The following SGCD variants were observed in gnomAD, a reference collection of about 807,000 sequenced individuals.
SGCD encodes the protein sarcoglycan delta, also known as delta-sarcoglycan.
SGCD carries 18 observed loss-of-function variants against 36.6 expected under a neutral mutation model. That is an observed-to-expected ratio of 0.49 (90% CI 0.34 to 0.73). The LOEUF is 0.73. Among genes scored for constraint, SGCD ranks in the 30% least tolerant of loss-of-function variants. SGCD has a pLI of 0.01. For missense variants in SGCD, 387 were observed against 346.7 expected (o/e 1.12, Z -0.92); for synonymous variants, 133 against 130.6 (o/e 1.02, Z -0.12).
intron 4 of SGCD, among the ~76,000 whole-genome samples, chr5:156,513,505 G>A (rs924151419): frequency 6.6e-6 from 1 of 152,080 alleles, no homozygotes; most frequent in African/African-American, 2.4e-5. Flanking sequence ...TCCATTTTAT[G>A]GGGTATCACC....
intron 2 of SGCD, among the ~76,000 whole-genome samples, chr5:156,334,614 T>C (rs868129122): frequency 2.7e-4 from 40 of 147,674 alleles, no homozygotes; most frequent in South Asian, 8.4e-4. Context: ...ATTTTCTTTT[T>C]TTTTTTTTTT....
At chr5:156,277,859 G>A (rs142672438) in intron 3 of SGCD, among the ~76,000 whole-genome samples, 5 of 152,130 alleles carry the variant, frequency 3.3e-5, no homozygotes, top group Non-Finnish European at 5.9e-5. Flanking sequence ...TGGATGAGTC[G>A]CTGAGTTGTC....
chr5:156,550,048 A>G (rs2113193965), intron 4 of SGCD, among the ~76,000 whole-genome samples: 1 of 152,336 alleles, frequency 6.6e-6, no homozygotes, highest in South Asian at 2.1e-4. Context: ...TCACAAATGG[A>G]AAAACTGATG....
At chr5:156,692,636 A>G (rs1354024966) in intron 7 of SGCD, among the ~76,000 whole-genome samples, 1 of 152,228 alleles carries the variant, frequency 6.6e-6, no homozygotes, top group Non-Finnish European at 1.5e-5. Context: ...CACAGACATC[A>G]TAGCATTCAC....
At chr5:156,111,314 A>G (rs2127599454) in intron 1 of SGCD, among the ~76,000 whole-genome samples, 1 of 152,282 alleles carries the variant, frequency 6.6e-6, no homozygotes, top group African/African-American at 2.4e-5. Context: ...AGGGTGTGGT[A>G]CAAGATGCCA....
the SGCD span, among the ~76,000 whole-genome samples, chr5:155,855,073 T>C: frequency 3.5e-4 from 53 of 152,134 alleles, 1 homozygote; most frequent in Admixed American, 5.9e-4. Flanking sequence ...CTGTTGCATC[T>C]CCTCAGGCTC....
At chr5:156,685,879 A>G (rs529682130) in intron 7 of SGCD, among the ~76,000 whole-genome samples, 30 of 152,236 alleles carry the variant, frequency 2.0e-4, no homozygotes, top group African/African-American at 6.7e-4. Flanking sequence ...AAACACATAG[A>G]CACAAAGAAG....
intron 1 of SGCD, among the ~76,000 whole-genome samples, chr5:155,895,929 G>A (rs954007594): frequency 6.6e-6 from 1 of 152,252 alleles, no homozygotes; most frequent in Admixed American, 6.5e-5. Flanking sequence ...TGCTGTGAGA[G>A]AAGTGACCTG....
chr5:156,141,075 G>A (rs1468316506), intron 3 of SGCD, among the ~76,000 whole-genome samples: 1 of 152,174 alleles, frequency 6.6e-6, no homozygotes, highest in African/African-American at 2.4e-5. Flanking sequence ...CTCCACTCCA[G>A]AAGGTATAAA....
At chr5:156,342,189 C>T (rs1768693749) in intron 2 of SGCD, among the ~76,000 whole-genome samples, 1 of 152,212 alleles carries the variant, frequency 6.6e-6, no homozygotes, top group African/African-American at 2.4e-5. Flanking sequence ...TTGAACATGT[C>T]ATTTCCATTT....
intron 3 of SGCD, among the ~76,000 whole-genome samples, chr5:156,495,389 A>C (rs967712037): frequency 6.6e-6 from 1 of 152,236 alleles, no homozygotes; most frequent in African/African-American, 2.4e-5. Flanking sequence ...CATATTTCTG[A>C]ACTTATCCCT....
intron 1 of SGCD, among the ~76,000 whole-genome samples, chr5:156,008,928 C>G (rs969800934): frequency 2.0e-5 from 3 of 152,136 alleles, no homozygotes; most frequent in Middle Eastern, 6.3e-3. Flanking sequence ...TATATTTATA[C>G]AAGAGTCATA....
intron 1 of SGCD, among the ~76,000 whole-genome samples, chr5:155,881,295 A>AAAATAAATAAATAAATAAATAAATAAAT (rs6149303): frequency 2.2e-3 from 322 of 145,578 alleles, no homozygotes; most frequent in East Asian, 3.0e-3. Context: ...ACCTCACCAC[A>AAAATAAATAAATAAATAAATAAATAAAT]AAATAAATAA....
chr5:156,753,630 C>T (rs774273050), intron 7 of SGCD, among the ~76,000 whole-genome samples: 2 of 152,146 alleles, frequency 1.3e-5, no homozygotes, highest in Non-Finnish European at 2.9e-5. Context: ...GGGGAGGCCT[C>T]AGGAAACTTA....
At chr5:156,191,783 G>A (rs1453885822) in intron 3 of SGCD, among the ~76,000 whole-genome samples, 1 of 152,142 alleles carries the variant, frequency 6.6e-6, no homozygotes, top group Non-Finnish European at 1.5e-5. Flanking sequence ...GGGTCTTGGG[G>A]CTCAGTGGGA....
the SGCD span, among the ~76,000 whole-genome samples, chr5:155,800,266 C>T: frequency 6.6e-6 from 1 of 152,144 alleles, no homozygotes; most frequent in Admixed American, 6.6e-5. Context: ...GCTGTATCCT[C>T]TTTTATTCAT....
chr5:156,230,799 T>C (rs746255519), intron 3 of SGCD, among the ~76,000 whole-genome samples: 1 of 152,224 alleles, frequency 6.6e-6, no homozygotes, highest in African/African-American at 2.4e-5. Context: ...ATGGCTTTAG[T>C]GTCTTGCATA....
chr5:156,056,433 C>T lies in SGCD; in HGVS notation c.-281-61445C>T, dbSNP rs569545977. 9.0e-5 allele frequency among the ~76,000 whole-genome samples: 13 copies of T among 144,724 alleles called. 1 individual carries two copies. In the South Asian group the frequency reaches 2.0e-3, roughly 22 times the overall value. The allele number at this position is 144,724 out of a possible 152,430, so 94.9% of individuals were successfully genotyped here. ...TATGAATAACATCAATATTGTAGGA[C>T]CTAATATCAGTGCTCAAGATATTTT... On this transcript the variant is annotated intron_variant, in intron 1 of 9. Coordinates refer to the SGCD transcript ENST00000517913.
chr5:155,851,359 G>A, the SGCD span, among the ~76,000 whole-genome samples: 193 of 152,250 alleles, frequency 1.3e-3, 2 homozygotes, highest in East Asian at 0.019. Context: ...GGGTTTTGTT[G>A]TGGGGATAAA....
Sources: allele counts gnomAD v4.1 joint callset (sites outside exome capture counted in the v4.1 genomes callset), GRCh38; gene constraint gnomAD v4.1.1; transcripts MANE v1.5; gene names NCBI Gene and HGNC (gene_info 2026-07-23, HGNC 2026-07-21).